The following EIF2B2 variants were observed in gnomAD, a reference collection of about 807,000 sequenced individuals.
EIF2B2 encodes eukaryotic translation initiation factor 2B subunit beta, also known as translation initiation factor eIF2B subunit beta.
In EIF2B2, 34 loss-of-function variants were observed where a neutral mutation model predicts 34.7. The observed-to-expected ratio is 0.98, with a 90% confidence interval of 0.75 to 1.31. EIF2B2 has a LOEUF of 1.31. EIF2B2 is among the 50% of genes most tolerant of loss of function. EIF2B2 has a pLI of 0.00. For synonymous variants in EIF2B2, 155 were observed against 171.6 expected (o/e 0.90, Z 0.76); for missense variants, 361 against 447.7 (o/e 0.81, Z 1.75).
In EIF2B2 at chr14:75,004,690, T is replaced by TATATA. The variant is rs764926377; in HGVS notation, c.434-47_434-46insATATA. Reference sequence around the variant, plus strand: ...TCATATATATATATATATATATATATTTTTTTTTTTTTTTTTTTTTTTTTT... The same window carrying TATATA: ...TCATATATATATATATATATATATATATATATTTTTTTTTTTTTTTTTTTTTTTTT... On this transcript the variant is annotated intron_variant, in intron 3 of 7. Coordinates refer to ENST00000266126, the MANE Select transcript of EIF2B2 (RefSeq NM_014239.4). 1.7e-3 allele frequency: 151 copies of TATATA among 90,446 alleles called. No homozygotes were observed. The East Asian group carries it at 0.028, about 17-fold the overall frequency. 5.6% of individuals were successfully genotyped at this position (90,446 alleles called of 1,614,324 possible). A position where few individuals can be genotyped will look rare whatever the true frequency, so the allele number is the denominator to read the frequency against.
rs749806505 is a variant in EIF2B2, at chr14:75,004,873, T to G, written c.570T>G (p.Ile190Met). Residue 190 changes from isoleucine (I) to methionine (M), a missense_variant, in exon 4 of 8, where the codon ATT becomes ATG. Ile to Met is a conservative substitution (Grantham distance 10, BLOSUM62 1). Coordinates refer to ENST00000266126, the MANE Select transcript of EIF2B2 (RefSeq NM_014239.4). ...CCCGAAAGAGGAAATTCCATGTCAT[T>G]GTAGCAGAGTGTGCTCCTTTCTGCC... ...EAARKRKFHV[I>M]VAECAPFCQG... is the part of the protein sequence containing the mutation. 127 of 1,612,486 alleles carry G rather than the reference T, an allele frequency of 7.9e-5. No individual in the cohort carries two copies. The highest frequency in any genetic ancestry group is 1.0e-4 in the Non-Finnish European group (122 of 1,179,420).
At chr14:75,008,498 A>T (rs1162588479) in intron 7 of EIF2B2, 2 of 212,880 alleles carry the variant, frequency 9.4e-6, no homozygotes, top group Non-Finnish European at 1.9e-5. Flanking sequence ...GTTCCCACAC[A>T]TTCTATTGTG....
intron 1 of EIF2B2, 22 bp downstream of exon 1, chr14:75,003,175 C>T (rs1188967978): frequency 8.7e-6 from 14 of 1,613,178 alleles, no homozygotes; most frequent in South Asian, 1.1e-5. Flanking sequence ...CTGCCTCCGC[C>T]GGCGAACCTG....
chr14:75,012,074 C>T lies in EIF2B2; in HGVS notation c.*2886C>T, dbSNP rs991298552. On this transcript the variant is annotated 3_prime_UTR_variant, in exon 8 of 8. Coordinates refer to ENST00000266126, the MANE Select transcript of EIF2B2 (RefSeq NM_014239.4). ...CCCAATTAAGTAAACCCTATTAAGGCTCATCTTCTTATTTCCCCTCTCTCC... is the reference window on the plus strand; with the variant it reads ...CCCAATTAAGTAAACCCTATTAAGGTTCATCTTCTTATTTCCCCTCTCTCC... 6.6e-6 allele frequency: 1 copy of T among 152,148 alleles called. No homozygotes were observed. Among genetic ancestry groups the T allele is most frequent in the African/African-American group, 2.4e-5 (1 of 41,412 alleles). 9.4% of individuals were successfully genotyped at this position (152,148 alleles called of 1,614,324 possible).
chr14:75,011,000 T>A lies in EIF2B2; in HGVS notation c.*1812T>A, dbSNP rs1032909193. The A allele has an allele frequency of 6.6e-6, 1 of 152,116 alleles. No individual in the cohort carries two copies. The highest frequency in any genetic ancestry group is 1.9e-4 in the East Asian group (1 of 5,206). 9.4% of individuals were successfully genotyped at this position (152,116 alleles called of 1,614,324 possible). A position where few individuals can be genotyped will look rare whatever the true frequency, so the allele number is the denominator to read the frequency against. On this transcript the variant is annotated 3_prime_UTR_variant, in exon 8 of 8. Transcript: ENST00000266126. ...GGTCAGGAGTTTGAGACCAGCCTGG[T>A]CAAAATGGCGAAACTAAAATACTAT...
In EIF2B2 at chr14:75,005,878, G is replaced by A; in HGVS notation, c.610G>A (p.Ala204Thr). Reference sequence around the variant, plus strand: ...CCTCCCATTGCAGGGTCATGAAATGGCTGTGAATTTGTCCAAAGCAGGTAT... The same window carrying A: ...CCTCCCATTGCAGGGTCATGAAATGACTGTGAATTTGTCCAAAGCAGGTAT... ...CAPFCQGHEMAVNLSKAGIET... is the reference protein window; with the variant it reads ...CAPFCQGHEMTVNLSKAGIET... Residue 204 changes from alanine (A) to threonine (T), a missense_variant, in exon 5 of 8, where the codon GCT becomes ACT. By Grantham distance (58) the Ala-to-Thr change is moderately conservative. Coordinates refer to ENST00000266126, the MANE Select transcript of EIF2B2 (RefSeq NM_014239.4). The A allele has an allele frequency of 6.2e-7, 1 of 1,613,010 alleles. No individual in the cohort carries two copies. The highest frequency in any genetic ancestry group is 8.5e-7 in the Non-Finnish European group (1 of 1,179,144).
In EIF2B2 at chr14:75,005,809, C is replaced by T. The variant is rs779434723; in HGVS notation, c.598-57C>T. On this transcript the variant is annotated intron_variant, in intron 4 of 7. Transcript: ENST00000266126. ...CCCCAGATCCAGTTACATTTGAGAG[C>T]ACTTTTCACTATTTCTCACTCTTTC... 3.9e-6 allele frequency: 5 copies of T among 1,288,670 alleles called. No individual in the cohort carries two copies. In the Admixed American group the frequency reaches 6.7e-5, roughly 17 times the overall value. The allele number at this position is 1,288,670 out of a possible 1,614,324, so 79.8% of individuals were successfully genotyped here.
chr14:75,003,082 C>T lies in EIF2B2; in HGVS notation c.92C>T (p.Ser31Phe). Residue 31 changes from serine (S) to phenylalanine (F), a missense_variant, in exon 1 of 8, where the codon TCC (serine) becomes TTC (phenylalanine). Coordinates refer to ENST00000266126, the MANE Select transcript of EIF2B2 (RefSeq NM_014239.4). Reference sequence around the variant, plus strand: ...AAGCGGGGTGGTGGGCCGCGCAGCTCCGAGGAAATGGCTCGGGAGACCCTA... The same window carrying T: ...AAGCGGGGTGGTGGGCCGCGCAGCTTCGAGGAAATGGCTCGGGAGACCCTA... Reference protein sequence around the residue: ...TLKRGGGPRSSEEMARETLGL... With the variant: ...TLKRGGGPRSFEEMARETLGL... 1.2e-6 allele frequency: 2 copies of T among 1,614,020 alleles called. No individual in the cohort carries two copies. Among genetic ancestry groups the T allele is most frequent in the Non-Finnish European group, 8.5e-7 (1 of 1,179,990 alleles).
chr14:75,004,901 G>A lies in EIF2B2; in HGVS notation c.597+1G>A, dbSNP rs1196754378. ...AGCAGAGTGTGCTCCTTTCTGCCAG[G>A]TAAGGAGACTGCTGGAGTTGCTACT... On this transcript the variant is annotated splice_donor_variant, in intron 4 of 7. Coordinates refer to ENST00000266126, the MANE Select transcript of EIF2B2 (RefSeq NM_014239.4). LOFTEE classifies it high-confidence loss of function. 1 of 1,610,450 alleles carries A rather than the reference G, an allele frequency of 6.2e-7. No homozygotes were observed. Among genetic ancestry groups the A allele is most frequent in the South Asian group, 1.1e-5 (1 of 91,036 alleles).
chr14:75,007,455 T>C (rs565971683), intron 6 of EIF2B2: 1 of 388,192 alleles, frequency 2.6e-6, no homozygotes, highest in Admixed American at 3.9e-5. Context: ...CTTAGCATGA[T>C]GTTTTCAAAG....
At position 75,003,194 on chromosome 14, in the gene EIF2B2, C is replaced by G. The variant is rs752999765; in HGVS notation, c.163+41C>G. 3 of 1,613,454 alleles carry G rather than the reference C, an allele frequency of 1.9e-6. No homozygotes were observed. In the Admixed American group the frequency reaches 5.0e-5, roughly 27 times the overall value. ...CTCCGCCGGCGAACCTGGCCCCTGTCTGTTCCCGATCCCAGGGCTGAAAAT... is the reference window on the plus strand; with the variant it reads ...CTCCGCCGGCGAACCTGGCCCCTGTGTGTTCCCGATCCCAGGGCTGAAAAT... On this transcript the variant is annotated intron_variant, in intron 1 of 7. Transcript: ENST00000266126.
chr14:75,002,971 T>C lies in EIF2B2; in HGVS notation c.-20T>C, dbSNP rs770117655. On this transcript the variant is annotated 5_prime_UTR_variant, in exon 1 of 8. Coordinates refer to ENST00000266126, the MANE Select transcript of EIF2B2 (RefSeq NM_014239.4). ...AGGTGTGGATTCCGCCGGTGAAGGC[T>C]GAAGGCAGCTACCTTAAAGATGCCG... 2.5e-6 allele frequency: 4 copies of C among 1,613,798 alleles called. No individual in the cohort carries two copies. The highest frequency in any genetic ancestry group is 1.7e-5 in the Admixed American group (1 of 60,034).
Position 75,011,747 on chromosome 14 carries a change from C to G in EIF2B2, c.*2559C>G, listed in dbSNP as rs781695839. 6.6e-6 allele frequency: 1 copy of G among 152,142 alleles called. No individual in the cohort carries two copies. The highest frequency in any genetic ancestry group is 1.5e-5 in the Non-Finnish European group (1 of 68,028). 9.4% of individuals were successfully genotyped at this position (152,142 alleles called of 1,614,324 possible). ...TGAAGTGGCTTGTAGCTACCAATTA[C>G]GAGCAATTGTCTCCTCCAAAGGCAC... On this transcript the variant is annotated 3_prime_UTR_variant, in exon 8 of 8. Coordinates refer to ENST00000266126, the MANE Select transcript of EIF2B2 (RefSeq NM_014239.4).
Position 75,004,723 on chromosome 14 carries a change from A to C in EIF2B2, c.434-14A>C. 1 of 778,814 alleles carries C rather than the reference A, an allele frequency of 1.3e-6. No homozygotes were observed. The allele number at this position is 778,814 out of a possible 1,614,324, so 48.2% of individuals were successfully genotyped here. A position where few individuals can be genotyped will look rare whatever the true frequency, so the allele number is the denominator to read the frequency against. ...TTTTTTTTTTTTTTTTTTTTTGCAA[A>C]ACCGTTCTTACAGAAGGGACAATGG... is the stretch of plus-strand genomic sequence containing the variant. On this transcript the variant is annotated splice_polypyrimidine_tract_variant and intron_variant, in intron 3 of 7. Coordinates refer to ENST00000266126, the MANE Select transcript of EIF2B2 (RefSeq NM_014239.4).
intron 6 of EIF2B2, chr14:75,007,308 C>G (rs1649307765): frequency 5.6e-6 from 2 of 355,076 alleles, no homozygotes; most frequent in Non-Finnish European, 1.1e-5. Flanking sequence ...TAGAAAAACA[C>G]CCTGTACCCA....
At position 75,012,215 on chromosome 14, in the gene EIF2B2, C is replaced by T. The variant is rs987705249; in HGVS notation, c.*3027C>T. On this transcript the variant is annotated 3_prime_UTR_variant, in exon 8 of 8. Coordinates refer to ENST00000266126, the MANE Select transcript of EIF2B2 (RefSeq NM_014239.4). ...TCAGCCTTGGTATCAGGGGTGCCCA[C>T]CTCCCACCCCTGCCTTGCTGGCGGA... 1 of 152,110 alleles carries T rather than the reference C, an allele frequency of 6.6e-6. No individual in the cohort carries two copies. Among genetic ancestry groups the T allele is most frequent in the Non-Finnish European group, 1.5e-5 (1 of 68,040 alleles). The allele number at this position is 152,110 out of a possible 1,614,324, so 9.4% of individuals were successfully genotyped here.
rs2139259635 is a variant in EIF2B2, at chr14:75,010,929, C to A, written c.*1741C>A. ...ACTGGCTGGGCGCAATGGCTCACGC[C>A]TATAATCCCAGCACTTTGGGAGGCT... On this transcript the variant is annotated 3_prime_UTR_variant, in exon 8 of 8. Transcript: ENST00000266126. 1 of 152,366 alleles carries A rather than the reference C, an allele frequency of 6.6e-6. No individual in the cohort carries two copies. The highest frequency in any genetic ancestry group is 2.1e-4 in the South Asian group (1 of 4,834). The allele number at this position is 152,366 out of a possible 1,614,324, so 9.4% of individuals were successfully genotyped here. A position where few individuals can be genotyped will look rare whatever the true frequency, so the allele number is the denominator to read the frequency against.
At position 75,008,790 on chromosome 14, in the gene EIF2B2, C is replaced by T. The variant is rs1889663474; in HGVS notation, c.899-241C>T. ...ATTCATGTGGTGTGTCAGGGAGGGC[C>T]CAGATCTTAAACTTCAATCCTGAGT... is the stretch of plus-strand genomic sequence containing the variant. On this transcript the variant is annotated intron_variant, in intron 7 of 7. Coordinates refer to ENST00000266126, the MANE Select transcript of EIF2B2 (RefSeq NM_014239.4). Among the ~76,000 whole-genome samples, 3 of 152,062 alleles carry T rather than the reference C, an allele frequency of 2.0e-5. 1 individual carries two copies. The South Asian group carries it at 6.2e-4, about 32-fold the overall frequency.
Position 75,009,447 on chromosome 14 carries a change from G to C in EIF2B2, c.*259G>C, listed in dbSNP as rs1276398331. Reference sequence around the variant, plus strand: ...TTTGGAGCCTCTTAGTGACCTGGTTGCGTCTGTGTCAGGAACTTAAACTTT... The same window carrying C: ...TTTGGAGCCTCTTAGTGACCTGGTTCCGTCTGTGTCAGGAACTTAAACTTT... On this transcript the variant is annotated 3_prime_UTR_variant, in exon 8 of 8. Transcript: ENST00000266126. The C allele has an allele frequency of 1.2e-5, 6 of 490,454 alleles. No homozygotes were observed. The highest frequency in any genetic ancestry group is 2.2e-5 in the Non-Finnish European group (6 of 267,298). 30.4% of individuals were successfully genotyped at this position (490,454 alleles called of 1,614,324 possible). A position where few individuals can be genotyped will look rare whatever the true frequency, so the allele number is the denominator to read the frequency against.
Sources: allele counts gnomAD v4.1 joint callset (sites outside exome capture counted in the v4.1 genomes callset), GRCh38; gene constraint gnomAD v4.1.1; transcripts MANE v1.5; gene names NCBI Gene and HGNC (gene_info 2026-07-23, HGNC 2026-07-21).